Variants in EVI5L observed in about 807,000 individuals in gnomAD.
The protein encoded by EVI5L is EVI5-like protein.
In EVI5L, 30 loss-of-function variants were observed where a neutral mutation model predicts 106.1. The ratio of observed to expected loss-of-function variants is 0.28; its 90% confidence interval spans 0.21 to 0.38. The LOEUF (loss-of-function observed/expected upper bound fraction) is 0.38. EVI5L is among the 10% of genes least tolerant of loss of function. The pLI, the probability that EVI5L is intolerant of heterozygous loss-of-function variation, is 1.00. For synonymous variants in EVI5L, 489 were observed against 483.3 expected, an observed-to-expected ratio of 1.01 and a Z score of -0.15; for missense variants, 809 against 1,098.0, an observed-to-expected ratio of 0.74 and a Z score of 3.72.
chr19:7,842,326 A>ATCAAGTGTGTGCATGTGTGTGTGAATG lies in EVI5L; in HGVS notation c.-47-4169_-47-4168insCAAGTGTGTGCATGTGTGTGTGAATGT, dbSNP rs1568234186. ...TGCGTGTGTGAGAATGTATGAATGT[A>ATCAAGTGTGTGCATGTGTGTGTGAATG]TGTATCAAGTGTGTGCATGTGTGTG... On this transcript the variant is annotated intron_variant, in intron 1 of 19. Transcript: ENST00000538904. Among the ~76,000 whole-genome samples, 33 of 38,754 alleles carry ATCAAGTGTGTGCATGTGTGTGTGAATG rather than the reference A, an allele frequency of 8.5e-4. No homozygotes were observed. The East Asian group carries it at 0.015, about 17-fold the overall frequency. The allele number at this position is 38,754 out of a possible 152,430, so 25.4% of individuals were successfully genotyped here.
intron 1 of EVI5L, among the ~76,000 whole-genome samples, chr19:7,842,368 GCGTGCA>G: frequency 7.3e-6 from 1 of 136,544 alleles, no homozygotes; most frequent in Non-Finnish European, 1.6e-5. Context: ...TGTATCAAGT[GCGTGCA>G]TGTGTGTGCA....
chr19:7,858,232 C>T lies in EVI5L; in HGVS notation c.1275C>T (p.Val425=), dbSNP rs1979629808. Residue 425 remains valine (V), a synonymous_variant, in exon 13 of 20, where the codon GTC becomes GTT. Coordinates refer to ENST00000538904, the MANE Select transcript of EVI5L (RefSeq NM_001159944.3). This position sits in a 1 kb window ranked among gnomAD's most constrained non-coding sequence, Gnocchi z 5.7. ...TRAQEAEENY[V]IKRELAVVRQ... is the part of the protein sequence containing the mutation. ...CGCAGGAGGCGGAGGAGAACTACGT[C>T]ATCAAGCGGGAGCTGGCGGTGGTGC... 1.3e-6 allele frequency: 2 copies of T among 1,568,094 alleles called. No homozygotes were observed. The highest frequency in any genetic ancestry group is 1.9e-5 in the Admixed American group (1 of 53,172).
Position 7,849,055 on chromosome 19 carries a change from C to A in EVI5L, c.462C>A (p.Ile154=). The A allele has an allele frequency of 6.2e-7, 1 of 1,613,402 alleles. No individual in the cohort carries two copies. Among genetic ancestry groups the A allele is most frequent in the South Asian group, 1.1e-5 (1 of 90,984 alleles). Residue 154 remains isoleucine (I), a synonymous_variant, in exon 4 of 20, where the codon ATC becomes ATA. Coordinates refer to ENST00000538904, the MANE Select transcript of EVI5L (RefSeq NM_001159944.3). Reference sequence around the variant, plus strand: ...TGTCCTCGCCGTGCGAGAAGCTGATCCGCAGGGACATCGCCCGCACCTACC... The same window carrying A: ...TGTCCTCGCCGTGCGAGAAGCTGATACGCAGGGACATCGCCCGCACCTACC... ...LKMSSPCEKL[I]RRDIARTYPE... is the part of the protein sequence containing the mutation.
At position 7,856,968 on chromosome 19, in the gene EVI5L, C is replaced by T. The variant is rs1979557439; in HGVS notation, c.1201-124C>T. ...TTCTCTGGTCTTCCCTCCTCTCTCC[C>T]CCGCTTCTAGAGATAGTCCACTGCG... On this transcript the variant is annotated intron_variant, in intron 11 of 19. Coordinates refer to ENST00000538904, the MANE Select transcript of EVI5L (RefSeq NM_001159944.3). The surrounding 1 kb of genome is among the most constrained non-coding windows in gnomAD (Gnocchi z 6.6). 2 of 999,480 alleles carry T rather than the reference C, an allele frequency of 2.0e-6. No individual in the cohort carries two copies. The highest frequency in any genetic ancestry group is 3.1e-6 in the Non-Finnish European group (2 of 648,360). The allele number at this position is 999,480 out of a possible 1,614,324, so 61.9% of individuals were successfully genotyped here. A position where few individuals can be genotyped will look rare whatever the true frequency, so the allele number is the denominator to read the frequency against.
chr19:7,832,060 G>A (rs1220937292), intron 1 of EVI5L, among the ~76,000 whole-genome samples: 2 of 152,234 alleles, frequency 1.3e-5, no homozygotes, highest in Admixed American at 6.5e-5. Flanking sequence ...ATGTGATTGA[G>A]CTAGAGGACC....
At position 7,858,074 on chromosome 19, in the gene EVI5L, C is replaced by T. The variant is rs550656430; in HGVS notation, c.1234-117C>T. The T allele has an allele frequency of 1.2e-4, 152 of 1,257,808 alleles. No individual in the cohort carries two copies. In the African/African-American group the frequency reaches 1.9e-3, roughly 16 times the overall value. The allele number at this position is 1,257,808 out of a possible 1,614,324, so 77.9% of individuals were successfully genotyped here. A position where few individuals can be genotyped will look rare whatever the true frequency, so the allele number is the denominator to read the frequency against. On this transcript the variant is annotated intron_variant, in intron 12 of 19. Transcript: ENST00000538904. This position sits in a 1 kb window ranked among gnomAD's most constrained non-coding sequence, Gnocchi z 5.7. ...CCCAGGCTCTGAGTACGGGAGGCCC[C>T]CACCTCACTTCCCCCCACCTCCACT...
chr19:7,857,465 CTG>C lies in EVI5L; in HGVS notation c.1233+342_1233+343del. ...ACATAAGGCCCTGGTGTGTGCAGTG[CTG>C]CGGTCACACACACACACAACACATG... is the stretch of plus-strand genomic sequence containing the variant. On this transcript the variant is annotated intron_variant, in intron 12 of 19. Transcript: ENST00000538904. This position sits in a 1 kb window ranked among gnomAD's most constrained non-coding sequence, Gnocchi z 4.5. 1 of 495,390 alleles carries C rather than the reference CTG, an allele frequency of 2.0e-6. No individual in the cohort carries two copies. The highest frequency in any genetic ancestry group is 2.1e-5 in the South Asian group (1 of 47,698). The allele number at this position is 495,390 out of a possible 1,614,324, so 30.7% of individuals were successfully genotyped here. A position where few individuals can be genotyped will look rare whatever the true frequency, so the allele number is the denominator to read the frequency against.
intron 1 of EVI5L, among the ~76,000 whole-genome samples, chr19:7,833,683 GT>G (rs1389245280): frequency 6.6e-6 from 1 of 152,218 alleles, no homozygotes. Context: ...GCGTGTCCCT[GT>G]ACTTCCTTTG....
In EVI5L at chr19:7,847,924, G is replaced by C. The variant is rs372069618; in HGVS notation, c.327+3G>C. Reference sequence around the variant, plus strand: ...GCAGGAAGGAGAAGCTGCTCAAGGTGGGGGGCGGCCAGGCAGGCAGGGCTG... The same window carrying C: ...GCAGGAAGGAGAAGCTGCTCAAGGTCGGGGGCGGCCAGGCAGGCAGGGCTG... On this transcript the variant is annotated splice_donor_region_variant and intron_variant, in intron 3 of 19. Coordinates refer to ENST00000538904, the MANE Select transcript of EVI5L (RefSeq NM_001159944.3). 199 of 1,541,118 alleles carry C rather than the reference G, an allele frequency of 1.3e-4. No individual in the cohort carries two copies. The African/African-American group carries it at 1.6e-3, about 12-fold the overall frequency.
At chr19:7,846,145 C>T (rs1041579988) in intron 1 of EVI5L, among the ~76,000 whole-genome samples, 5 of 152,190 alleles carry the variant, frequency 3.3e-5, no homozygotes, top group Non-Finnish European at 5.9e-5. Context: ...CATGGAGCCC[C>T]GAGTGACAGG....
At position 7,843,385 on chromosome 19, in the gene EVI5L, GTGTGTGC is replaced by G. The variant is rs1334844576; in HGVS notation, c.-47-3110_-47-3104del. On this transcript the variant is annotated intron_variant, in intron 1 of 19. Transcript: ENST00000538904. ...GTGAGAATAGGCATGGGTGTGTCGA[GTGTGTGC>G]ATAGGTGTGTGAGTGTGAGAATAGG... 4.7e-3 allele frequency among the ~76,000 whole-genome samples: 311 copies of G among 65,680 alleles called. 1 individual carries two copies. Among genetic ancestry groups the G allele is most frequent in the Middle Eastern group, 8.3e-3 (1 of 120 alleles). 43.1% of individuals were successfully genotyped at this position (65,680 alleles called of 152,430 possible).
rs1979219606 is a variant in EVI5L at position 7,850,959 on chromosome 19, T to C, written c.754-475T>C. 6.6e-6 allele frequency among the ~76,000 whole-genome samples: 1 copy of C among 152,126 alleles called. No homozygotes were observed. Among genetic ancestry groups the C allele is most frequent in the Admixed American group, 6.5e-5 (1 of 15,286 alleles). ...GAGTTCAGGCCAATCCAACACAGCT[T>C]GCACAAAGCTTTATGCTGGGGTCCA... is the stretch of plus-strand genomic sequence containing the variant. On this transcript the variant is annotated intron_variant, in intron 6 of 19. Transcript: ENST00000538904. The surrounding 1 kb of genome is among the most constrained non-coding windows in gnomAD (Gnocchi z 5.4).
rs1366177393 is a variant in EVI5L at position 7,849,263 on chromosome 19, C to T, written c.560C>T (p.Ser187Leu). The T allele has an allele frequency of 1.2e-6, 2 of 1,614,186 alleles. No individual in the cohort carries two copies. Among genetic ancestry groups the T allele is most frequent in the Admixed American group, 1.7e-5 (1 of 60,030 alleles). The change falls in exon 5 of 20, where the codon TCG (serine) becomes TTG (leucine). Residue 187 changes from serine (S) to leucine (L), a missense_variant. By Grantham distance (145) the Ser-to-Leu change is moderately radical. This residue lies in a region of EVI5L where 357 missense variants were observed against 588.1 expected (regional missense o/e 0.61). Coordinates refer to ENST00000538904, the MANE Select transcript of EVI5L (RefSeq NM_001159944.3). Reference sequence around the variant, plus strand: ...GGACTTGTTCCCTTCTAGGCATACTCGCTGGTAGACCGGGAGGTGGGCTAC... The same window carrying T: ...GGACTTGTTCCCTTCTAGGCATACTTGCTGGTAGACCGGGAGGTGGGCTAC... ...EVLFNVMKAY[S>L]LVDREVGYCQ...
rs368492206 is a variant in EVI5L at position 7,842,847 on chromosome 19, GTATC to G, written c.-47-3647_-47-3644del. Reference sequence around the variant, plus strand: ...TGTGTGTGAAGGTATATAGGTGTGTGTATCTGAGTGTGTCCATGTGTATGTGTGA... The same window carrying G: ...TGTGTGTGAAGGTATATAGGTGTGTGTGAGTGTGTCCATGTGTATGTGTGA... On this transcript the variant is annotated intron_variant, in intron 1 of 19. Transcript: ENST00000538904. Among the ~76,000 whole-genome samples, 3 of 151,568 alleles carry G rather than the reference GTATC, an allele frequency of 2.0e-5. 1 individual carries two copies. The highest frequency in any genetic ancestry group is 7.3e-5 in the African/African-American group (3 of 41,268).
At position 7,835,959 on chromosome 19, in the gene EVI5L, G is replaced by T. The variant is rs1301966750; in HGVS notation, c.-48+5578G>T. Among the ~76,000 whole-genome samples the T allele has an allele frequency of 2.0e-5, 3 of 151,992 alleles. No individual in the cohort carries two copies. The highest frequency in any genetic ancestry group is 4.4e-5 in the Non-Finnish European group (3 of 67,992). The stretch of plus-strand genomic sequence containing the variant: ...GGAATCAGAAATGGGGGGTAGGGCC[G>T]GGCGTGGTGGCTCACACCTGTGATC... On this transcript the variant is annotated intron_variant, in intron 1 of 19. Coordinates refer to ENST00000538904, the MANE Select transcript of EVI5L (RefSeq NM_001159944.3). This position sits in a 1 kb window ranked among gnomAD's most constrained non-coding sequence, Gnocchi z 4.1.
chr19:7,841,208 C>G (rs969940440), intron 1 of EVI5L, among the ~76,000 whole-genome samples: 1 of 152,098 alleles, frequency 6.6e-6, no homozygotes, highest in Non-Finnish European at 1.5e-5. Flanking sequence ...GTTCTGGCAA[C>G]TTGGGCAACT....
At chr19:7,843,653 CAT>C (rs760926842) in intron 1 of EVI5L, among the ~76,000 whole-genome samples, 10 of 127,898 alleles carry the variant, frequency 7.8e-5, no homozygotes, top group Admixed American at 1.6e-4. Context: ...CGAGTGTGTG[CAT>C]GTGTGTGTAT....
rs1311493778 is a variant in EVI5L, at chr19:7,850,459, A to C, written c.753+337A>C. On this transcript the variant is annotated intron_variant, in intron 6 of 19. Coordinates refer to ENST00000538904, the MANE Select transcript of EVI5L (RefSeq NM_001159944.3). The surrounding 1 kb of genome is among the most constrained non-coding windows in gnomAD (Gnocchi z 5.4). ...CCCTGTCTGCTCCAGAGTGTGGTGGAAGGAGGGAGTGTTGTCTGCCTGCCT... is the reference window on the plus strand; with the variant it reads ...CCCTGTCTGCTCCAGAGTGTGGTGGCAGGAGGGAGTGTTGTCTGCCTGCCT... Among the ~76,000 whole-genome samples, 1 of 152,128 alleles carries C rather than the reference A, an allele frequency of 6.6e-6. No homozygotes were observed. Among genetic ancestry groups the C allele is most frequent in the Non-Finnish European group, 1.5e-5 (1 of 68,024 alleles).
rs756900797 is a variant in EVI5L at position 7,863,286 on chromosome 19, C to G, written c.2139+6C>G. The G allele has an allele frequency of 1.3e-6, 2 of 1,553,306 alleles. No homozygotes were observed. Among genetic ancestry groups the G allele is most frequent in the Admixed American group, 3.9e-5 (2 of 51,138 alleles). The stretch of plus-strand genomic sequence containing the variant: ...TCGAGGAGCTGAAGGCCGAGGTGAG[C>G]CGGCGCGGGGATGCCGGGGACAGGC... On this transcript the variant is annotated splice_donor_region_variant and intron_variant, in intron 19 of 19. Transcript: ENST00000538904. This position sits in a 1 kb window ranked among gnomAD's most constrained non-coding sequence, Gnocchi z 7.7.
Sources: gnomAD v4.1 joint callset for allele counts (sites outside exome capture counted in the v4.1 genomes callset) on GRCh38, gnomAD v4.1.1 for gene constraint, gnomAD v4.1.1 regional missense constraint, Gnocchi (gnomAD v3.1) non-coding constraint, MANE v1.5 for transcripts, NCBI Gene and HGNC (gene_info 2026-07-23, HGNC 2026-07-21) for gene names.